The following CDHR5 variants were observed in gnomAD, a reference collection of about 807,000 sequenced individuals.
CDHR5 encodes the protein cadherin related family member 5.
Under a neutral mutation model 69.5 loss-of-function variants are expected in CDHR5, and 82 were observed. That is an observed-to-expected ratio of 1.18 (90% CI 0.99 to 1.42). The LOEUF is 1.42. Ranked by LOEUF, CDHR5 falls within the 40% of genes most tolerant of loss-of-function variation. CDHR5 has a pLI of 0.00. For missense variants in CDHR5, 1,293 were observed against 1,168.9 expected (o/e 1.11, Z -1.55); for synonymous variants, 601 against 510.2 (o/e 1.18, Z -2.40).
At position 619,064 on chromosome 11, in the gene CDHR5, C is replaced by G; in HGVS notation, c.1495G>C (p.Gly499Arg). The part of the protein sequence containing the change: ...QGPSTTSSGG[G>R]TGPHPPSGTT... ...CCAGAGGGTGGATGAGGGCCTGTGC[C>G]TCCCCCAGAGCTGGTCGTGGAGGGT... The change falls in exon 13 of 15, where the codon GGC becomes CGC. Residue 499 changes from glycine to arginine, a missense_variant. Gly to Arg is a moderately radical substitution (Grantham distance 125). Transcript: ENST00000397542. 1 of 1,612,940 alleles carries G rather than the reference C, an allele frequency of 6.2e-7. No individual in the cohort carries two copies. Among genetic ancestry groups the G allele is most frequent in the African/African-American group, 1.3e-5 (1 of 74,980 alleles).
chr11:617,897 C>A (rs962400345), intron 14 of CDHR5, 57 bp downstream of exon 14: 13 of 1,571,776 alleles, frequency 8.3e-6, no homozygotes, highest in South Asian at 1.2e-5. Context: ...CCTCTCCTGT[C>A]CCCCGTCCCC....
At chr11:623,143 T>A (rs2133215152) in intron 3 of CDHR5, among the ~76,000 whole-genome samples, 1 of 152,102 alleles carries the variant, frequency 6.6e-6, no homozygotes, top group Admixed American at 6.5e-5. Context: ...ACCCCGTCGC[T>A]ACTAAAAATA....
At position 619,335 on chromosome 11, in the gene CDHR5, T is replaced by G. The variant is rs1345272030; in HGVS notation, c.1349A>C (p.Gln450Pro). 2 of 1,613,310 alleles carry G rather than the reference T, an allele frequency of 1.2e-6. No individual in the cohort carries two copies. Among genetic ancestry groups the G allele is most frequent in the Non-Finnish European group, 1.7e-6 (2 of 1,179,634 alleles). ...GGAGGGGGGCTCCTGTTCGGAAACT[T>G]GTATCTCAATGACTGTGGTTGCGGT... ...SGTATTVIEI[Q>P]VSEQEPPSTD... Residue 450 changes from glutamine (Q) to proline (P), a missense_variant, in exon 12 of 15, where the codon CAA (glutamine) becomes CCA (proline). Physicochemically the swap from Gln to Pro is moderately conservative, Grantham distance 76 (BLOSUM62 -1). Coordinates refer to ENST00000397542, the MANE Select transcript of CDHR5 (RefSeq NM_021924.5).
intron 3 of CDHR5, among the ~76,000 whole-genome samples, chr11:622,181 C>T (rs578144626): frequency 3.9e-4 from 59 of 152,360 alleles, no homozygotes; most frequent in Middle Eastern, 3.4e-3. Context: ...CATCCGTCCA[C>T]TCGCTCATTC....
rs1184338470 is a variant in CDHR5, at chr11:618,012, G to GT, written c.2059_2060insA (p.Ala687AspfsTer28). Reference sequence around the variant, plus strand: ...GCCATAGTGCTTGTGGACAAGGACGGCGAGGCCAAGGAGAGCCAGCAGCAG... The same window carrying GT: ...GCCATAGTGCTTGTGGACAAGGACGGTCGAGGCCAAGGAGAGCCAGCAGCAG... On this transcript the variant is annotated frameshift_variant, in exon 14 of 15. Transcript: ENST00000397542. LOFTEE classifies it high-confidence loss of function. The GT allele has an allele frequency of 6.2e-7, 1 of 1,612,428 alleles. No individual in the cohort carries two copies. The highest frequency in any genetic ancestry group is 1.3e-5 in the African/African-American group (1 of 75,028).
At position 617,005 on chromosome 11, in the gene CDHR5, G is replaced by C. The variant is rs1216680781; in HGVS notation, c.*346C>G. ...TGCCTGAGATCTCCGGTGCAGGTCG[G>C]GGGAGGGGAGCCCCCCTCGGGCTGT... On this transcript the variant is annotated 3_prime_UTR_variant, in exon 15 of 15. Coordinates refer to ENST00000397542, the MANE Select transcript of CDHR5 (RefSeq NM_021924.5). 3 of 319,500 alleles carry C rather than the reference G, an allele frequency of 9.4e-6. No individual in the cohort carries two copies. Among genetic ancestry groups the C allele is most frequent in the African/African-American group, 6.6e-5 (3 of 45,750 alleles). The allele number at this position is 319,500 out of a possible 1,614,324, so 19.8% of individuals were successfully genotyped here.
chr11:617,798 G>A, intron 14 of CDHR5, 28 bp from the exon 15 acceptor site: 1 of 1,448,856 alleles, frequency 6.9e-7, no homozygotes, highest in Non-Finnish European at 9.0e-7. Context: ...GGCGTCAGCG[G>A]GGTCCCTGGG....
At position 624,625 on chromosome 11, in the gene CDHR5, A is replaced by G. The variant is rs766557257; in HGVS notation, c.193T>C (p.Leu65=). The G allele has an allele frequency of 6.2e-7, 1 of 1,613,046 alleles. No homozygotes were observed. The highest frequency in any genetic ancestry group is 1.1e-5 in the South Asian group (1 of 91,030). The change falls in exon 2 of 15, where the codon TTG becomes CTG. Residue 65 remains leucine, a synonymous_variant. Transcript: ENST00000397542. This position sits in a 1 kb window ranked among gnomAD's most constrained non-coding sequence, Gnocchi z 5.3. ...ATCCGAAATGCAAAGGGGGTGGACA[A>G]GGCTCCGAGGGTCACCTCCTGGCCC... ...PEGQEVTLGA[L]STPFAFRIQG...
intron 3 of CDHR5, among the ~76,000 whole-genome samples, chr11:623,933 G>A (rs766062074): frequency 3.9e-5 from 6 of 152,094 alleles, no homozygotes; most frequent in Admixed American, 1.3e-4. Flanking sequence ...GGTGGTCCCC[G>A]TGACTGGCAG....
At chr11:618,298 T>A (rs1857106187) in intron 13 of CDHR5, among the ~76,000 whole-genome samples, 187 bp from the exon 14 acceptor site, 1 of 150,418 alleles carries the variant, frequency 6.6e-6, no homozygotes, top group African/African-American at 2.5e-5. Context: ...GCCCACCCCC[T>A]CCCCCCCGGG....
chr11:624,183 T>TGGGGCGGGGAGAGC lies in CDHR5; in HGVS notation c.312+16_312+29dup, dbSNP rs760292630. 1.5e-6 allele frequency: 1 copy of TGGGGCGGGGAGAGC among 678,688 alleles called. No individual in the cohort carries two copies. The highest frequency in any genetic ancestry group is 2.7e-6 in the Non-Finnish European group (1 of 364,260). The allele number at this position is 678,688 out of a possible 1,614,324, so 42.0% of individuals were successfully genotyped here. On this transcript the variant is annotated intron_variant, in intron 3 of 14. Transcript: ENST00000397542. The surrounding 1 kb of genome is among the most constrained non-coding windows in gnomAD (Gnocchi z 5.3). Reference sequence around the variant, plus strand: ...GCAGAGCCCAGCAGAGGTGGCCGGGTGGGGCGGGGAGAGCGGGGCGGGGAC... The same window carrying TGGGGCGGGGAGAGC: ...GCAGAGCCCAGCAGAGGTGGCCGGGTGGGGCGGGGAGAGCGGGGCGGGGAGAGCGGGGCGGGGAC...
intron 3 of CDHR5, among the ~76,000 whole-genome samples, chr11:622,990 T>C (rs1275279592): frequency 2.6e-5 from 4 of 152,096 alleles, no homozygotes; most frequent in Non-Finnish European, 5.9e-5. Context: ...TCCCATCTTT[T>C]TTCCTGGAGA....
Position 621,549 on chromosome 11 carries a change from GGGC to G in CDHR5, c.507+10_507+12del. 1 of 1,605,056 alleles carries G rather than the reference GGGC, an allele frequency of 6.2e-7. No individual in the cohort carries two copies. The highest frequency in any genetic ancestry group is 8.5e-7 in the Non-Finnish European group (1 of 1,171,796). ...CGAGGGGCTCGTGCTGGGGCAGGGTGGGCGGCACTGACTGCTGTCATTTCCTGG... is the reference window on the plus strand; with the variant it reads ...CGAGGGGCTCGTGCTGGGGCAGGGTGGGCACTGACTGCTGTCATTTCCTGG... On this transcript the variant is annotated intron_variant, in intron 5 of 14. Transcript: ENST00000397542. The surrounding 1 kb of genome is among the most constrained non-coding windows in gnomAD (Gnocchi z 4.4).
Position 618,869 on chromosome 11 carries a change from C to G in CDHR5, c.1690G>C (p.Ala564Pro). ...TGTGCTGTGCCCCCACTGGGTGTGG[C>G]TGGTTGGTGGGAGGTGCTGGTTCCC... is the stretch of plus-strand genomic sequence containing the variant. Reference protein sequence around the residue: ...GVGTSTSHQPATPSGGTAQTP... With the variant: ...GVGTSTSHQPPTPSGGTAQTP... Residue 564 changes from alanine to proline, a missense_variant, in exon 13 of 15, where the codon GCC (alanine) becomes CCC (proline). Coordinates refer to ENST00000397542, the MANE Select transcript of CDHR5 (RefSeq NM_021924.5). 2.5e-6 allele frequency: 4 copies of G among 1,580,146 alleles called. No individual in the cohort carries two copies. The highest frequency in any genetic ancestry group is 3.4e-6 in the Non-Finnish European group (4 of 1,165,710).
chr11:617,847 T>C (rs1371059801), intron 14 of CDHR5, 77 bp from the exon 15 acceptor site: 2 of 1,487,200 alleles, frequency 1.3e-6, no homozygotes, highest in East Asian at 2.4e-5. Flanking sequence ...CATTCCACGC[T>C]GGACACCCCT....
At position 624,853 on chromosome 11, in the gene CDHR5, A is replaced by G. The variant is rs1857637028; in HGVS notation, c.50T>C (p.Leu17Pro). Residue 17 changes from leucine (L) to proline (P), a missense_variant, in exon 1 of 15, where the codon CTC becomes CCC. Coordinates refer to ENST00000397542, the MANE Select transcript of CDHR5 (RefSeq NM_021924.5). The surrounding 1 kb of genome is among the most constrained non-coding windows in gnomAD (Gnocchi z 5.3). ...GGCCATGGTCCCCGGGGGTCGGACG[A>G]GCAGCCCGGTGAACAGCAGGGGAGG... ...LWPPLLFTGL[L>P]VRPPGTMAQA... 3 of 1,594,496 alleles carry G rather than the reference A, an allele frequency of 1.9e-6. No individual in the cohort carries two copies. The highest frequency in any genetic ancestry group is 2.6e-6 in the Non-Finnish European group (3 of 1,172,434).
chr11:621,981 C>A lies in CDHR5; in HGVS notation c.313-77G>T. 2 of 1,164,628 alleles carry A rather than the reference C, an allele frequency of 1.7e-6. No homozygotes were observed. Among genetic ancestry groups the A allele is most frequent in the Non-Finnish European group, 2.5e-6 (2 of 806,232 alleles). 72.1% of individuals were successfully genotyped at this position (1,164,628 alleles called of 1,614,324 possible). On this transcript the variant is annotated intron_variant, in intron 3 of 14. Transcript: ENST00000397542. The surrounding 1 kb of genome is among the most constrained non-coding windows in gnomAD (Gnocchi z 4.4). ...GCACCCCTCGACGGCTATCCGTCCC[C>A]ACCGTGAGTGAGGTGCACCCCTCAA...
rs747253043 is a variant in CDHR5, at chr11:621,402, C to T, written c.561G>A (p.Leu187=). ...LVSVNRPALR[L]DRPLDFYERP... ...GCTCGTAGAAGTCCAGGGGCCGGTC[C>T]AGCCTCAGGGCGGGACGGTTTACAC... Residue 187 remains leucine (L), a synonymous_variant, in exon 6 of 15, where the codon CTG becomes CTA. Coordinates refer to ENST00000397542, the MANE Select transcript of CDHR5 (RefSeq NM_021924.5). The surrounding 1 kb of genome is among the most constrained non-coding windows in gnomAD (Gnocchi z 4.4). 1.2e-6 allele frequency: 2 copies of T among 1,612,992 alleles called. No homozygotes were observed. Among genetic ancestry groups the T allele is most frequent in the African/African-American group, 1.3e-5 (1 of 75,036 alleles).
rs2133221786 is a variant in CDHR5 at position 624,419 on chromosome 11, A to T, written c.261+138T>A. ...TCATCCCGAAATGGCCCAGCCTTCT[A>T]GGGCAGGCACCACCAAGCATGGGTG... On this transcript the variant is annotated intron_variant, in intron 2 of 14. Coordinates refer to ENST00000397542, the MANE Select transcript of CDHR5 (RefSeq NM_021924.5). This position sits in a 1 kb window ranked among gnomAD's most constrained non-coding sequence, Gnocchi z 5.3. 1 of 914,728 alleles carries T rather than the reference A, an allele frequency of 1.1e-6. No individual in the cohort carries two copies. The allele number at this position is 914,728 out of a possible 1,614,324, so 56.7% of individuals were successfully genotyped here.
Sources: gnomAD v4.1 joint callset for allele counts (sites outside exome capture counted in the v4.1 genomes callset) on GRCh38, gnomAD v4.1.1 for gene constraint, Gnocchi (gnomAD v3.1) non-coding constraint, MANE v1.5 for transcripts, NCBI Gene and HGNC (gene_info 2026-07-23, HGNC 2026-07-21) for gene names.